AUTS2: variants seen among roughly 807,000 people sequenced by gnomAD.
The protein encoded by AUTS2 is activator of transcription and developmental regulator AUTS2, also known as autism susceptibility gene 2 protein.
AUTS2 carries 17 observed loss-of-function variants against 112.4 expected under a neutral mutation model. The observed-to-expected ratio is 0.15, with a 90% CI of 0.10 to 0.23. The LOEUF (loss-of-function observed/expected upper bound fraction) is 0.23. Among genes scored for constraint, AUTS2 ranks in the 10% least tolerant of loss-of-function variants. The probability of loss-of-function intolerance (pLI) is 1.00; values close to 1 mark genes in which losing one functional copy is unlikely to be tolerated. For synonymous variants in AUTS2, 751 were observed against 702.7 expected (o/e 1.07, Z -1.09); for missense variants, 1,510 against 1,701.6 (o/e 0.89, Z 1.98).
At chr7:69,647,988 A>C (rs1795108924) in intron 1 of AUTS2, among the ~76,000 whole-genome samples, 1 of 150,852 alleles carries the variant, frequency 6.6e-6, no homozygotes, top group Non-Finnish European at 1.5e-5. Flanking sequence ...GCCCTAATCC[A>C]CCCTAATCCA....
At chr7:69,612,976 C>T (rs1373287133) in intron 1 of AUTS2, among the ~76,000 whole-genome samples, 5 of 152,310 alleles carry the variant, frequency 3.3e-5, no homozygotes, top group East Asian at 3.9e-4. Context: ...ATTTACTATT[C>T]GCCTTGTGCC....
chr7:70,585,310 G>C (rs144067734), intron 5 of AUTS2, among the ~76,000 whole-genome samples: 1 of 152,094 alleles, frequency 6.6e-6, no homozygotes, highest in Admixed American at 6.5e-5. Context: ...GGCTTTCTGC[G>C]GGGCTGCTGG....
chr7:70,582,037 CT>C lies in AUTS2; in HGVS notation c.691-116514del, dbSNP rs35939256. On this transcript the variant is annotated intron_variant, in intron 5 of 18. Transcript: ENST00000342771. ...TTTAGAGCTTGTCTTACCCAACCCA[CT>C]TTTTTTTTTTTTTTTTTAACCAGAG... Among the ~76,000 whole-genome samples, 1,276 of 128,708 alleles carry C rather than the reference CT, an allele frequency of 9.9e-3. 7 individuals carry two copies. The highest frequency in any genetic ancestry group is 0.015 in the African/African-American group (529 of 35,064). The allele number at this position is 128,708 out of a possible 152,430, so 84.4% of individuals were successfully genotyped here.
intron 5 of AUTS2, among the ~76,000 whole-genome samples, chr7:70,635,547 C>A (rs1266632713): frequency 6.6e-6 from 1 of 152,144 alleles, no homozygotes; most frequent in Non-Finnish European, 1.5e-5. Context: ...TTGGGCAAGT[C>A]ATACACAGAG....
chr7:70,271,266 T>C (rs1787680151), intron 4 of AUTS2, among the ~76,000 whole-genome samples: 1 of 152,218 alleles, frequency 6.6e-6, no homozygotes, highest in Non-Finnish European at 1.5e-5. Context: ...TCACACTCTT[T>C]TCTTCAGAAT....
At chr7:70,026,413 C>G (rs1486682999) in intron 2 of AUTS2, among the ~76,000 whole-genome samples, 1 of 152,038 alleles carries the variant, frequency 6.6e-6, no homozygotes, top group Non-Finnish European at 1.5e-5. Context: ...GAGGTTGGCT[C>G]CTTACAGCAC....
intron 4 of AUTS2, among the ~76,000 whole-genome samples, chr7:70,184,104 T>G (rs1809474366): frequency 6.6e-6 from 1 of 152,212 alleles, no homozygotes; most frequent in East Asian, 1.9e-4. Flanking sequence ...GGATTTTGTT[T>G]TCTTCTGTTC....
At chr7:69,938,486 T>A (rs2129544709) in intron 2 of AUTS2, among the ~76,000 whole-genome samples, 1 of 152,332 alleles carries the variant, frequency 6.6e-6, no homozygotes, top group South Asian at 2.1e-4. Context: ...TTTGGTGAGT[T>A]TTACATTTGA....
At chr7:70,386,856 T>A (rs2129633759) in intron 4 of AUTS2, among the ~76,000 whole-genome samples, 1 of 152,272 alleles carries the variant, frequency 6.6e-6, no homozygotes, top group Non-Finnish European at 1.5e-5. Context: ...ACCTCCCGAC[T>A]TTTCTGTAGG....
At position 70,694,630 on chromosome 7, in the gene AUTS2, C is replaced by G. The variant is rs1296818609; in HGVS notation, c.691-3939C>G. 5 of 148,488 alleles carry G rather than the reference C, an allele frequency of 3.4e-5. No individual in the cohort carries two copies. The highest frequency in any genetic ancestry group is 7.3e-5 in the African/African-American group (3 of 40,954). The allele number at this position is 148,488 out of a possible 1,614,324, so 9.2% of individuals were successfully genotyped here. A position where few individuals can be genotyped will look rare whatever the true frequency, so the allele number is the denominator to read the frequency against. ...AGGCCGCTCTTCTCCGCCTCGCCCT[C>G]CCGCCGGCCGGCCCGGGACGCGCCT... On this transcript the variant is annotated intron_variant, in intron 5 of 18. Transcript: ENST00000342771. The surrounding 1 kb of genome is among the most constrained non-coding windows in gnomAD (Gnocchi z 4.1).
At chr7:70,326,242 C>A (rs1486612672) in intron 4 of AUTS2, among the ~76,000 whole-genome samples, 1 of 152,166 alleles carries the variant, frequency 6.6e-6, no homozygotes, top group African/African-American at 2.4e-5. Context: ...CTCCCATAGG[C>A]CTTTTCTAGG....
intron 6 of AUTS2, among the ~76,000 whole-genome samples, chr7:70,744,957 C>T (rs6942750): frequency 0.043 from 6,513 of 152,204 alleles, 193 homozygotes; most frequent in Non-Finnish European, 0.069. Flanking sequence ...CATCATCGCC[C>T]CTCCAGTTCC....
intron 2 of AUTS2, among the ~76,000 whole-genome samples, chr7:70,045,678 G>A (rs1172484119): frequency 3.3e-5 from 5 of 151,308 alleles, no homozygotes; most frequent in Non-Finnish European, 5.9e-5. Flanking sequence ...GTGCAATCTC[G>A]GCTCACTGCA....
chr7:70,702,238 C>T (rs1467307412), intron 6 of AUTS2, among the ~76,000 whole-genome samples: 1 of 152,178 alleles, frequency 6.6e-6, no homozygotes, highest in African/African-American at 2.4e-5. Context: ...ACTAGTCAGG[C>T]GTCAGGAGTT....
chr7:70,768,873 A>ATTTCTTTT (rs1554482410), intron 10 of AUTS2, among the ~76,000 whole-genome samples: 1 of 55,600 alleles, frequency 1.8e-5, no homozygotes, highest in Non-Finnish European at 3.3e-5. Flanking sequence ...TTTGCCAGTG[A>ATTTCTTTT]TTTCTTTTTT....
At chr7:70,503,516 A>G (rs867685222) in intron 5 of AUTS2, among the ~76,000 whole-genome samples, 2 of 120,214 alleles carry the variant, frequency 1.7e-5, no homozygotes, top group Non-Finnish European at 3.4e-5. Context: ...CTCCCGTCTC[A>G]TTTTTTTTTT....
intron 1 of AUTS2, among the ~76,000 whole-genome samples, chr7:69,847,553 TG>T (rs1290777759): frequency 1.3e-5 from 2 of 152,246 alleles, no homozygotes; most frequent in Non-Finnish European, 1.5e-5. Flanking sequence ...TTCTTCATTA[TG>T]TCCTGCTTCC....
At chr7:70,642,982 A>G (rs1805926745) in intron 5 of AUTS2, among the ~76,000 whole-genome samples, 1 of 152,226 alleles carries the variant, frequency 6.6e-6, no homozygotes, top group African/African-American at 2.4e-5. Context: ...CCTGAAGGGC[A>G]TGTGAAATGT....
chr7:69,858,921 G>A (rs899814534), intron 1 of AUTS2, among the ~76,000 whole-genome samples: 3 of 152,170 alleles, frequency 2.0e-5, no homozygotes, highest in Non-Finnish European at 2.9e-5. Flanking sequence ...TATCATGTAG[G>A]TACTAATTAT....
Sources: allele counts gnomAD v4.1 joint callset (sites outside exome capture counted in the v4.1 genomes callset), GRCh38; gene constraint gnomAD v4.1.1; non-coding constraint Gnocchi (gnomAD v3.1); transcripts MANE v1.5; gene names NCBI Gene and HGNC (gene_info 2026-07-23, HGNC 2026-07-21).